PPP3CA: variants seen among roughly 807,000 people sequenced by gnomAD.
The protein encoded by PPP3CA is CAM-PRP catalytic subunit.
A neutral mutation model predicts 66.5 loss-of-function variants in PPP3CA; 14 were observed. The observed-to-expected ratio is 0.21, with a 90% CI of 0.14 to 0.33. The LOEUF is 0.33. Ranked by LOEUF, PPP3CA falls within the 10% of genes least tolerant of loss-of-function variation. The pLI, the probability that PPP3CA is intolerant of heterozygous loss-of-function variation, is 1.00. For missense variants in PPP3CA, 317 were observed against 639.5 expected (o/e 0.50, Z 5.44); for synonymous variants, 232 against 226.2 (o/e 1.03, Z -0.23).
chr4:101,291,734 G>A (rs1263499543), intron 1 of PPP3CA, among the ~76,000 whole-genome samples: 3 of 152,146 alleles, frequency 2.0e-5, no homozygotes, highest in Non-Finnish European at 2.9e-5. Context: ...TGATATGCAG[G>A]AGACAATGAG....
In PPP3CA at chr4:101,098,391, A is replaced by G; in HGVS notation, c.618T>C (p.Ile206=). ...CTTTTCTGATATCATCTAAAGTGTT[A>G]ATCTCTGGAGACAAACCACCATGCA... ...LCVHGGLSPE[I]NTLDDIRKLD... is the part of the protein sequence containing the mutation. Residue 206 remains isoleucine, a synonymous_variant, in exon 5 of 14, where the codon ATT becomes ATC. Transcript: ENST00000394854. The G allele has an allele frequency of 6.2e-7, 1 of 1,608,678 alleles. No individual in the cohort carries two copies. Among genetic ancestry groups the G allele is most frequent in the Non-Finnish European group, 8.5e-7 (1 of 1,178,012 alleles).
At chr4:101,164,607 G>A (rs141789729) in intron 2 of PPP3CA, among the ~76,000 whole-genome samples, 6 of 142,132 alleles carry the variant, frequency 4.2e-5, no homozygotes, top group South Asian at 2.2e-4. Context: ...ATTAAAAGCC[G>A]TTGCAAAATC....
At chr4:101,169,551 T>C (rs1723803758) in intron 2 of PPP3CA, among the ~76,000 whole-genome samples, 1 of 152,160 alleles carries the variant, frequency 6.6e-6, no homozygotes, top group African/African-American at 2.4e-5. Flanking sequence ...GGCACATATA[T>C]GCTAAATATC....
chr4:101,288,992 T>C (rs930224393), intron 1 of PPP3CA, among the ~76,000 whole-genome samples: 2 of 152,124 alleles, frequency 1.3e-5, no homozygotes. Context: ...GCAATATCTG[T>C]CACTCTCCAA....
At chr4:101,259,352 C>CAGCAAGCA (rs3077988) in intron 1 of PPP3CA, among the ~76,000 whole-genome samples, 2 of 150,906 alleles carry the variant, frequency 1.3e-5, no homozygotes, top group African/African-American at 2.4e-5. Context: ...TTCATTCATT[C>CAGCAAGCA]AGCAAGCAAG....
chr4:101,053,479 C>A (rs1202138767), intron 10 of PPP3CA, among the ~76,000 whole-genome samples: 2 of 152,104 alleles, frequency 1.3e-5, no homozygotes, highest in Non-Finnish European at 2.9e-5. Context: ...AAAAATCAGT[C>A]CTTAATTTTG....
chr4:101,230,137 A>G, intron 1 of PPP3CA, among the ~76,000 whole-genome samples: 1 of 151,630 alleles, frequency 6.6e-6, no homozygotes, highest in Non-Finnish European at 1.5e-5. Context: ...AGAATCATAA[A>G]TGCCTCAATA....
rs1014543371 is a variant in PPP3CA at position 101,333,515 on chromosome 4, C to T, written c.58+13224G>A. Among the ~76,000 whole-genome samples the T allele has an allele frequency of 4.6e-5, 7 of 151,914 alleles. No homozygotes were observed. The South Asian group carries it at 8.3e-4, about 18-fold the overall frequency. On this transcript the variant is annotated intron_variant, in intron 1 of 13. Transcript: ENST00000394854. Reference sequence around the variant, plus strand: ...TAGGAAGACAATCTATAATTAAAATCGTCCCTGTTGATTGGAAAGCAAAGA... The same window carrying T: ...TAGGAAGACAATCTATAATTAAAATTGTCCCTGTTGATTGGAAAGCAAAGA...
At chr4:101,066,557 C>T (rs913967627) in intron 8 of PPP3CA, among the ~76,000 whole-genome samples, 1 of 152,036 alleles carries the variant, frequency 6.6e-6, no homozygotes, top group African/African-American at 2.4e-5. Context: ...AATGAAACTA[C>T]AACAATATGT....
intron 12 of PPP3CA, among the ~76,000 whole-genome samples, chr4:101,031,295 G>C (rs930822159): frequency 2.0e-5 from 3 of 152,024 alleles, no homozygotes; most frequent in African/African-American, 7.2e-5. Context: ...GAAAGATACA[G>C]GAAAATAAGC....
chr4:101,283,565 A>C (rs1007539859), intron 1 of PPP3CA, among the ~76,000 whole-genome samples: 2 of 152,228 alleles, frequency 1.3e-5, no homozygotes, highest in Non-Finnish European at 2.9e-5. Flanking sequence ...AGGGAAAAAC[A>C]TATTTCTCTT....
intron 1 of PPP3CA, among the ~76,000 whole-genome samples, chr4:101,275,248 T>C (rs1342761035): frequency 6.6e-6 from 1 of 152,198 alleles, no homozygotes; most frequent in African/African-American, 2.4e-5. Flanking sequence ...CTAACTTATT[T>C]GGTTAACTGC....
chr4:101,299,101 A>G (rs1247640820), intron 1 of PPP3CA, among the ~76,000 whole-genome samples: 2 of 130,944 alleles, frequency 1.5e-5, no homozygotes, highest in Non-Finnish European at 3.1e-5. Flanking sequence ...CAAGTGCCAT[A>G]TATCGTTTTT....
intron 2 of PPP3CA, among the ~76,000 whole-genome samples, chr4:101,110,962 G>T (rs973958171): frequency 6.6e-6 from 1 of 151,962 alleles, no homozygotes; most frequent in African/African-American, 2.4e-5. Flanking sequence ...TAAGATATGA[G>T]CATAATAATT....
intron 2 of PPP3CA, among the ~76,000 whole-genome samples, chr4:101,151,651 CCT>C (rs1491479759): frequency 4.7e-5 from 3 of 63,504 alleles, no homozygotes; most frequent in Non-Finnish European, 3.3e-5. Context: ...GCCAAGGTTT[CCT>C]TTTTTTTTTT....
intron 6 of PPP3CA, among the ~76,000 whole-genome samples, chr4:101,087,616 G>C (rs1438774350): frequency 6.6e-6 from 1 of 151,944 alleles, no homozygotes; most frequent in Non-Finnish European, 1.5e-5. Flanking sequence ...TTATGCTTGG[G>C]ATCTTCAACC....
chr4:101,056,211 C>CTA (rs1396504971), intron 10 of PPP3CA, among the ~76,000 whole-genome samples: 1 of 152,034 alleles, frequency 6.6e-6, no homozygotes, highest in African/African-American at 2.4e-5. Context: ...ATAATAGTAC[C>CTA]TATATCAATA....
intron 1 of PPP3CA, among the ~76,000 whole-genome samples, chr4:101,296,216 A>T (rs141328299): frequency 2.0e-5 from 3 of 152,328 alleles, no homozygotes; most frequent in African/African-American, 7.2e-5. Flanking sequence ...ATAAAATTCA[A>T]TAGATTTAAA....
In PPP3CA at chr4:101,067,699, T is replaced by A. The variant is rs754340356; in HGVS notation, c.956-4342A>T. Among the ~76,000 whole-genome samples, 99 of 149,974 alleles carry A rather than the reference T, an allele frequency of 6.6e-4. 1 individual carries two copies. Among genetic ancestry groups the A allele is most frequent in the South Asian group, 4.2e-4 (2 of 4,742 alleles). On this transcript the variant is annotated intron_variant, in intron 8 of 13. Transcript: ENST00000394854. ...GGGGACGGGGAGGGATAGCATTAGGTGATATACCTAATGCTAAATGACGAG... is the reference window on the plus strand; with the variant it reads ...GGGGACGGGGAGGGATAGCATTAGGAGATATACCTAATGCTAAATGACGAG...
Sources: gnomAD v4.1 joint callset for allele counts (sites outside exome capture counted in the v4.1 genomes callset) on GRCh38, gnomAD v4.1.1 for gene constraint, MANE v1.5 for transcripts, NCBI Gene and HGNC (gene_info 2026-07-23, HGNC 2026-07-21) for gene names.